Variants in U2SURP observed in about 807,000 individuals in gnomAD.
U2SURP encodes U2 snRNP associated SURP domain containing.
A neutral mutation model predicts 144.9 loss-of-function variants in U2SURP; 9 were observed. That is an observed-to-expected ratio of 0.06 (90% CI 0.04 to 0.11). U2SURP has a LOEUF of 0.11. U2SURP is among the 10% of genes least tolerant of loss of function. The pLI is 1.00. For synonymous variants in U2SURP, 408 were observed against 396.8 expected, an observed-to-expected ratio of 1.03 and a Z score of -0.33; for missense variants, 724 against 1,226.7, an observed-to-expected ratio of 0.59 and a Z score of 6.12.
chr3:143,020,656 ACCT>A lies in U2SURP; in HGVS notation c.701_703del (p.Pro234del), dbSNP rs750909407. Reference sequence around the variant, plus strand: ...CAAAAGGCAGATTAAGTCGATTTGAACCTCCTCAGTCAGATTCTGATGGTCAGC... The same window carrying A: ...CAAAAGGCAGATTAAGTCGATTTGAACCTCAGTCAGATTCTGATGGTCAGC... On this transcript the variant is annotated inframe_deletion, in exon 8 of 28. Transcript: ENST00000473835. The A allele has an allele frequency of 8.4e-5, 136 of 1,612,874 alleles. No individual in the cohort carries two copies. The highest frequency in any genetic ancestry group is 1.0e-4 in the Non-Finnish European group (123 of 1,179,564).
rs1376823406 is a variant in U2SURP, at chr3:143,023,155, G to A, written c.1230+91G>A. On this transcript the variant is annotated intron_variant, in intron 12 of 27. Coordinates refer to ENST00000473835, the MANE Select transcript of U2SURP (RefSeq NM_001080415.2). ...TTTTCAACAATTTTATAGAAAATGTGTGTGTAATTCTGTTTGGCAACTTTT... is the reference window on the plus strand; with the variant it reads ...TTTTCAACAATTTTATAGAAAATGTATGTGTAATTCTGTTTGGCAACTTTT... 7.6e-6 allele frequency: 9 copies of A among 1,190,908 alleles called. No individual in the cohort carries two copies. The Admixed American group carries it at 1.7e-4, about 22-fold the overall frequency. The allele number at this position is 1,190,908 out of a possible 1,614,324, so 73.8% of individuals were successfully genotyped here.
chr3:143,057,324 ATCT>A lies in U2SURP; in HGVS notation c.*878_*880del, dbSNP rs1327483427. 1 of 152,258 alleles carries A rather than the reference ATCT, an allele frequency of 6.6e-6. No homozygotes were observed. Among genetic ancestry groups the A allele is most frequent in the Admixed American group, 6.6e-5 (1 of 15,248 alleles). 9.4% of individuals were successfully genotyped at this position (152,258 alleles called of 1,614,324 possible). A position where few individuals can be genotyped will look rare whatever the true frequency, so the allele number is the denominator to read the frequency against. ...CTTGTATGATCGTTGACCTTTTATAATCTTCTGTAGGCTATCTTTCAAACACTG... is the reference window on the plus strand; with the variant it reads ...CTTGTATGATCGTTGACCTTTTATAATCTGTAGGCTATCTTTCAAACACTG... On this transcript the variant is annotated 3_prime_UTR_variant, in exon 28 of 28. Transcript: ENST00000473835.
intron 18 of U2SURP, 108 bp downstream of exon 18, chr3:143,033,458 C>G (rs182215031): frequency 1.6e-6 from 1 of 607,964 alleles, no homozygotes. Context: ...GAAGTACAGT[C>G]AGCCCTCCAT....
In U2SURP at chr3:143,027,819, C is replaced by T. The variant is rs1024815735; in HGVS notation, c.1380-521C>T. Among the ~76,000 whole-genome samples the T allele has an allele frequency of 7.9e-5, 12 of 152,212 alleles. No individual in the cohort carries two copies. The East Asian group carries it at 2.3e-3, about 29-fold the overall frequency. ...AGTAGAATGTATTGAGGACAATTTTCCATCAGATTTTGATTTGGTTGATTA... is the reference window on the plus strand; with the variant it reads ...AGTAGAATGTATTGAGGACAATTTTTCATCAGATTTTGATTTGGTTGATTA... On this transcript the variant is annotated intron_variant, in intron 14 of 27. Transcript: ENST00000473835.
Position 143,037,154 on chromosome 3 carries a change from G to A in U2SURP, c.2065-25G>A, listed in dbSNP as rs1321613235. ...GTGACTTCAGCAAGCAAAGGAAAATGTTATAATAGTACACATTTCCATAGG... is the reference window on the plus strand; with the variant it reads ...GTGACTTCAGCAAGCAAAGGAAAATATTATAATAGTACACATTTCCATAGG... On this transcript the variant is annotated intron_variant, in intron 20 of 27. Coordinates refer to ENST00000473835, the MANE Select transcript of U2SURP (RefSeq NM_001080415.2). 3.1e-6 allele frequency: 5 copies of A among 1,601,858 alleles called. No homozygotes were observed. In the Admixed American group the frequency reaches 8.6e-5, roughly 28 times the overall value.
intron 25 of U2SURP, 60 bp downstream of exon 25, chr3:143,051,109 G>T: frequency 2.0e-6 from 2 of 1,008,652 alleles, no homozygotes; most frequent in African/African-American, 3.3e-5. Flanking sequence ...TGACTTCCTA[G>T]AATACTGGTA....
intron 24 of U2SURP, among the ~76,000 whole-genome samples, chr3:143,043,671 C>T (rs916353094): frequency 5.9e-5 from 9 of 151,666 alleles, no homozygotes; most frequent in African/African-American, 1.9e-4. Context: ...ATACATGACA[C>T]ATAGGAGATC....
At position 143,043,869 on chromosome 3, in the gene U2SURP, C is replaced by T. The variant is rs566576770; in HGVS notation, c.2544+593C>T. Among the ~76,000 whole-genome samples the T allele has an allele frequency of 4.2e-4, 63 of 151,424 alleles. 1 individual carries two copies. The highest frequency in any genetic ancestry group is 1.4e-3 in the African/African-American group (58 of 41,244). ...CTGCAAGCTCTCCCTCCTGGGTTCA[C>T]GCCATTCGCCTGCCTCAGCCTCCGG... On this transcript the variant is annotated intron_variant, in intron 24 of 27. Coordinates refer to ENST00000473835, the MANE Select transcript of U2SURP (RefSeq NM_001080415.2).
At chr3:143,019,653 G>A (rs1424407776) in intron 6 of U2SURP, among the ~76,000 whole-genome samples, 1 of 152,188 alleles carries the variant, frequency 6.6e-6, no homozygotes, top group Admixed American at 6.5e-5. Flanking sequence ...AGTAACTCAT[G>A]TCCTCCAGAG....
chr3:143,029,501 A>G (rs770905967), intron 16 of U2SURP, among the ~76,000 whole-genome samples: 36 of 152,186 alleles, frequency 2.4e-4, no homozygotes, highest in South Asian at 6.2e-4. Context: ...ATGGTCATAT[A>G]AGAAGATGAA....
chr3:143,007,288 CTTTTT>C (rs143610863), intron 1 of U2SURP, among the ~76,000 whole-genome samples: 16 of 148,558 alleles, frequency 1.1e-4, no homozygotes, highest in South Asian at 4.2e-4. Context: ...CTTTTCTTTT[CTTTTT>C]TTTTTTTTCC....
intron 12 of U2SURP, 97 bp downstream of exon 12, chr3:143,023,161 A>T: frequency 8.7e-7 from 1 of 1,143,512 alleles, no homozygotes; most frequent in Non-Finnish European, 1.2e-6. Context: ...ATGTGTGTGT[A>T]ATTCTGTTTG....
intron 23 of U2SURP, among the ~76,000 whole-genome samples, chr3:143,041,783 A>G (rs1312664982): frequency 6.6e-6 from 1 of 152,054 alleles, no homozygotes; most frequent in South Asian, 2.1e-4. Context: ...TAGTACCCAA[A>G]TACCAACATA....
At chr3:143,017,329 G>A (rs983998826) in intron 6 of U2SURP, 1 of 163,632 alleles carries the variant, frequency 6.1e-6, no homozygotes, top group Non-Finnish European at 1.3e-5. Context: ...TTATTAGTAT[G>A]TGTAGTGTAT....
chr3:143,054,588 C>T (rs1204724990), intron 26 of U2SURP, among the ~76,000 whole-genome samples: 1 of 152,204 alleles, frequency 6.6e-6, no homozygotes, highest in Non-Finnish European at 1.5e-5. Context: ...GTCCCACCTC[C>T]AACCATTTAA....
intron 19 of U2SURP, 146 bp downstream of exon 19, chr3:143,035,121 C>T (rs576907608): frequency 1.8e-5 from 8 of 443,798 alleles, no homozygotes; most frequent in African/African-American, 4.1e-5. Flanking sequence ...AAAATTCTGT[C>T]GTTTTTGTTT....
At chr3:143,012,389 G>T (rs776029075) in intron 3 of U2SURP, 36 bp downstream of exon 3, 1 of 1,544,424 alleles carries the variant, frequency 6.5e-7, no homozygotes, top group Non-Finnish European at 8.7e-7. Context: ...GATAAGAAAG[G>T]ATAGTTAATG....
At position 143,020,611 on chromosome 3, in the gene U2SURP, A is replaced by C; in HGVS notation, c.651A>C (p.Glu217Asp). ...ATATTTTCAACAGAATTCAAGAGGA[A>C]CGTGATGAGAGACATAAAACAAAAG... Reference protein sequence around the residue: ...FKEELKQIQEERDERHKTKGR... With the variant: ...FKEELKQIQEDRDERHKTKGR... Residue 217 changes from glutamate to aspartate, a missense_variant, in exon 8 of 28, where the codon GAA (glutamate) becomes GAC (aspartate). Physicochemically the swap from Glu to Asp is conservative, Grantham distance 45. Coordinates refer to ENST00000473835, the MANE Select transcript of U2SURP (RefSeq NM_001080415.2). 6.2e-7 allele frequency: 1 copy of C among 1,610,956 alleles called. No individual in the cohort carries two copies. Among genetic ancestry groups the C allele is most frequent in the Non-Finnish European group, 8.5e-7 (1 of 1,178,284 alleles).
intron 22 of U2SURP, among the ~76,000 whole-genome samples, chr3:143,038,495 C>G (rs1401716589): frequency 6.6e-6 from 1 of 151,982 alleles, no homozygotes; most frequent in East Asian, 1.9e-4. Flanking sequence ...ACGTAGAAAT[C>G]TACATAGAGG....
Sources: allele counts gnomAD v4.1 joint callset (sites outside exome capture counted in the v4.1 genomes callset), GRCh38; gene constraint gnomAD v4.1.1; transcripts MANE v1.5; gene names NCBI Gene and HGNC (gene_info 2026-07-23, HGNC 2026-07-21).